The following SBNO1 variants were observed in gnomAD, a reference collection of about 807,000 sequenced individuals.
SBNO1 encodes protein strawberry notch homolog 1.
Under a neutral mutation model 173.6 loss-of-function variants are expected in SBNO1, and 23 were observed. The ratio of observed to expected loss-of-function variants is 0.13; its 90% CI spans 0.10 to 0.19. The LOEUF is 0.19. Ranked by LOEUF, SBNO1 falls within the 10% of genes least tolerant of loss-of-function variation. The pLI, the probability that SBNO1 is intolerant of heterozygous loss-of-function variation, is 1.00. For synonymous variants in SBNO1, 632 were observed against 571.5 expected, an observed-to-expected ratio of 1.11 and a Z score of -1.51; for missense variants, 1,238 against 1,671.2, an observed-to-expected ratio of 0.74 and a Z score of 4.52.
chr12:123,303,395 C>T (rs2048841001), intron 29 of SBNO1, among the ~76,000 whole-genome samples: 1 of 152,166 alleles, frequency 6.6e-6, no homozygotes, highest in Non-Finnish European at 1.5e-5. Context: ...CCTATAATCC[C>T]AGCACTTTGG....
In SBNO1 at chr12:123,348,083, A is replaced by G; in HGVS notation, c.183T>C (p.Val61=). The G allele has an allele frequency of 6.2e-7, 1 of 1,612,326 alleles. No homozygotes were observed. Residue 61 remains valine, a synonymous_variant, in exon 3 of 32, where the codon GTT becomes GTC. Transcript: ENST00000602398. ...CAGTCTCTGGTTCTTGTTTAACAGG[A>G]ACTGCTGCTTCGGTCTCCAAACCTA... ...LELGLETEAA[V]PVKQEPETVP...
At chr12:123,326,063 A>G in intron 14 of SBNO1, 89 bp downstream of exon 14, 1 of 906,330 alleles carries the variant, frequency 1.1e-6, no homozygotes, top group Non-Finnish European at 1.6e-6. Context: ...CTTTAGGAAA[A>G]CCAGATTTTA....
intron 1 of SBNO1, among the ~76,000 whole-genome samples, chr12:123,356,136 C>G (rs1874434377): frequency 6.6e-6 from 1 of 152,108 alleles, no homozygotes; most frequent in Admixed American, 6.6e-5. Context: ...TACCTAGGTT[C>G]AAATACTGGC....
In SBNO1 at chr12:123,294,215, CT is replaced by C. The variant is rs1254214462; in HGVS notation, c.*1692del. 5.9e-5 allele frequency: 9 copies of C among 151,692 alleles called. No individual in the cohort carries two copies. Among genetic ancestry groups the C allele is most frequent in the African/African-American group, 2.2e-4 (9 of 41,408 alleles). 9.4% of individuals were successfully genotyped at this position (151,692 alleles called of 1,614,324 possible). On this transcript the variant is annotated 3_prime_UTR_variant, in exon 32 of 32. Coordinates refer to ENST00000602398, the MANE Select transcript of SBNO1 (RefSeq NM_001167856.3). ...AAATCCTAAGAAAACTTACGGTAAG[CT>C]TGACATAACCAAACTCAGGCTAAAG...
chr12:123,329,689 A>G (rs1337285417), intron 9 of SBNO1, among the ~76,000 whole-genome samples: 1 of 152,150 alleles, frequency 6.6e-6, no homozygotes, highest in Non-Finnish European at 1.5e-5. Flanking sequence ...AAATCCACCC[A>G]GTAAAACCCA....
chr12:123,291,556 A>G lies in SBNO1; in HGVS notation c.*4352T>C, dbSNP rs2048511327. ...CCCCCAGTACAATGCATTGCACACA[A>G]CACAATAAGACATAGTAAAAAACAT... On this transcript the variant is annotated 3_prime_UTR_variant, in exon 32 of 32. Coordinates refer to ENST00000602398, the MANE Select transcript of SBNO1 (RefSeq NM_001167856.3). 6.6e-6 allele frequency: 1 copy of G among 152,170 alleles called. No individual in the cohort carries two copies. Among genetic ancestry groups the G allele is most frequent in the South Asian group, 2.1e-4 (1 of 4,830 alleles). The allele number at this position is 152,170 out of a possible 1,614,324, so 9.4% of individuals were successfully genotyped here. A position where few individuals can be genotyped will look rare whatever the true frequency, so the allele number is the denominator to read the frequency against.
intron 8 of SBNO1, 76 bp downstream of exon 8, chr12:123,331,166 G>A: frequency 6.9e-7 from 1 of 1,458,164 alleles, no homozygotes; most frequent in Non-Finnish European, 9.5e-7. Context: ...GTTTCACTGT[G>A]TTAGCCAGGA....
At position 123,364,656 on chromosome 12, in the gene SBNO1, G is replaced by C. The variant is rs933101452; in HGVS notation, c.-1+45C>G. On this transcript the variant is annotated intron_variant, in intron 1 of 31. Transcript: ENST00000602398. ...GAGGGTGGGAGTGGGAGGCTGTCCG[G>C]GAGGGGGAGTGTGGAAGGAGAAAAG... The C allele has an allele frequency of 1.9e-5, 19 of 982,070 alleles. No individual in the cohort carries two copies. The African/African-American group carries it at 2.8e-4, about 15-fold the overall frequency. The allele number at this position is 982,070 out of a possible 1,614,324, so 60.8% of individuals were successfully genotyped here. A position where few individuals can be genotyped will look rare whatever the true frequency, so the allele number is the denominator to read the frequency against.
intron 16 of SBNO1, 119 bp downstream of exon 16, chr12:123,323,561 A>C: frequency 1.7e-6 from 1 of 577,750 alleles, no homozygotes; most frequent in Admixed American, 3.9e-5. Context: ...TCACCGTGTT[A>C]GCCAGGATGG....
chr12:123,335,899 AAG>A lies in SBNO1; in HGVS notation c.748+494_748+495del, dbSNP rs559674776. Among the ~76,000 whole-genome samples the A allele has an allele frequency of 4.9e-4, 74 of 152,354 alleles. No homozygotes were observed. The Middle Eastern group carries it at 0.017, about 35-fold the overall frequency. On this transcript the variant is annotated intron_variant, in intron 6 of 31. Transcript: ENST00000602398. ...CTTGAGTCTATCAGTAGTTGATAAA[AAG>A]AGAATTGTAGTTCAATTCAAATGGT...
chr12:123,328,390 T>C (rs964337745), intron 10 of SBNO1, among the ~76,000 whole-genome samples: 5 of 152,360 alleles, frequency 3.3e-5, no homozygotes, highest in Middle Eastern at 3.4e-3. Flanking sequence ...AAAGATATAC[T>C]GTGAACAAGT....
chr12:123,321,839 A>T, intron 16 of SBNO1, 107 bp from the exon 17 acceptor site: 1 of 925,410 alleles, frequency 1.1e-6, no homozygotes, highest in Non-Finnish European at 1.7e-6. Context: ...TGCAGAGGAA[A>T]AGTATTTAGG....
chr12:123,297,106 T>C (rs1040309845), intron 31 of SBNO1, among the ~76,000 whole-genome samples: 2 of 149,010 alleles, frequency 1.3e-5, no homozygotes, highest in Admixed American at 6.7e-5. Context: ...ACGCCTATAA[T>C]CCCAGCACTT....
At chr12:123,318,143 A>G (rs75225286) in intron 20 of SBNO1, among the ~76,000 whole-genome samples, 7,236 of 152,224 alleles carry the variant, frequency 0.048, 299 homozygotes, top group East Asian at 0.25. Flanking sequence ...TGTACAGGGC[A>G]GGGTCCCATT....
chr12:123,299,695 A>AAAAC (rs1555244096), intron 30 of SBNO1, among the ~76,000 whole-genome samples: 17 of 151,226 alleles, frequency 1.1e-4, no homozygotes, highest in Admixed American at 4.0e-4. Flanking sequence ...AAAAAAAAAA[A>AAAAC]AAAACAAAAA....
intron 1 of SBNO1, among the ~76,000 whole-genome samples, chr12:123,357,364 A>AC (rs1874577614): frequency 6.6e-6 from 1 of 151,952 alleles, no homozygotes; most frequent in Non-Finnish European, 1.5e-5. Context: ...ACAGGAGAAC[A>AC]CCGGAACCCA....
chr12:123,347,985 T>C (rs763401742), intron 3 of SBNO1, 44 bp downstream of exon 3: 1 of 1,272,814 alleles, frequency 7.9e-7, no homozygotes, highest in Non-Finnish European at 1.1e-6. Context: ...TCACTACACT[T>C]CTAAACTATT....
At chr12:123,318,145 G>A (rs1869509085) in intron 20 of SBNO1, among the ~76,000 whole-genome samples, 1 of 152,046 alleles carries the variant, frequency 6.6e-6, no homozygotes, top group Admixed American at 6.6e-5. Flanking sequence ...TACAGGGCAG[G>A]GTCCCATTAT....
At chr12:123,329,821 CTATT>C in intron 9 of SBNO1, among the ~76,000 whole-genome samples, 1 of 152,190 alleles carries the variant, frequency 6.6e-6, no homozygotes, top group Non-Finnish European at 1.5e-5. Context: ...CCCTATCAGT[CTATT>C]TTAACCTTAT....
Sources: gnomAD v4.1 joint callset for allele counts (sites outside exome capture counted in the v4.1 genomes callset) on GRCh38, gnomAD v4.1.1 for gene constraint, MANE v1.5 for transcripts, NCBI Gene and HGNC (gene_info 2026-07-23, HGNC 2026-07-21) for gene names.